Variants in FAM118A observed in about 807,000 individuals in gnomAD.
The protein encoded by FAM118A is protein FAM118A.
In FAM118A, 25 loss-of-function variants were observed where a neutral mutation model predicts 38.2. The ratio of observed to expected loss-of-function variants is 0.65; its 90% CI spans 0.48 to 0.91. The LOEUF is 0.91. FAM118A is among the 40% of genes least tolerant of loss of function. The pLI, the probability that FAM118A is intolerant of heterozygous loss-of-function variation, is 0.00. For synonymous variants in FAM118A, 178 were observed against 184.1 expected (o/e 0.97, Z 0.27); for missense variants, 425 against 463.3 (o/e 0.92, Z 0.76).
intron 3 of FAM118A, 119 bp from the exon 4 acceptor site, chr22:45,327,723 A>G (rs2085386598): frequency 2.0e-6 from 2 of 1,014,640 alleles, no homozygotes; most frequent in South Asian, 1.5e-5. Context: ...CACGCTGTGA[A>G]GCCAGATTTT....
intron 1 of FAM118A, among the ~76,000 whole-genome samples, chr22:45,319,808 A>G (rs2084770410): frequency 6.6e-6 from 1 of 152,142 alleles, no homozygotes; most frequent in African/African-American, 2.4e-5. Context: ...CCTCAATGGG[A>G]AGAAGGATGT....
At chr22:45,332,367 T>G in intron 5 of FAM118A, 58 bp from the exon 6 acceptor site, 1 of 1,552,934 alleles carries the variant, frequency 6.4e-7, no homozygotes, top group Non-Finnish European at 8.7e-7. Flanking sequence ...ACTTGGTTAG[T>G]TGTAAGCTCT....
chr22:45,319,329 G>A (rs1483346800), intron 1 of FAM118A, among the ~76,000 whole-genome samples: 1 of 152,148 alleles, frequency 6.6e-6, no homozygotes, highest in Admixed American at 6.5e-5. Context: ...GTAACTATTT[G>A]GAAGTGATGT....
intron 1 of FAM118A, chr22:45,322,164 G>A: frequency 2.0e-6 from 3 of 1,499,158 alleles, no homozygotes; most frequent in Non-Finnish European, 2.7e-6. Flanking sequence ...AGTCCAACCA[G>A]CCTGATGAGT....
chr22:45,338,655 T>C (rs989177540), intron 8 of FAM118A, among the ~76,000 whole-genome samples: 2 of 152,264 alleles, frequency 1.3e-5, no homozygotes, highest in African/African-American at 4.8e-5. Flanking sequence ...GAGAGGATTT[T>C]CATATAATAG....
chr22:45,322,658 A>C (rs2084948543), intron 2 of FAM118A, among the ~76,000 whole-genome samples: 1 of 152,214 alleles, frequency 6.6e-6, no homozygotes, highest in Non-Finnish European at 1.5e-5. Context: ...TAGAGGTGTC[A>C]TGTCTAGAAC....
chr22:45,340,652 T>C lies in FAM118A; in HGVS notation c.*247T>C. 1 of 545,646 alleles carries C rather than the reference T, an allele frequency of 1.8e-6. No individual in the cohort carries two copies. The highest frequency in any genetic ancestry group is 3.3e-6 in the Non-Finnish European group (1 of 307,664). The allele number at this position is 545,646 out of a possible 1,614,324, so 33.8% of individuals were successfully genotyped here. On this transcript the variant is annotated 3_prime_UTR_variant, in exon 9 of 9. Transcript: ENST00000441876. ...TTGCAAGGACTGATGGATAGCTACC[T>C]CAGGGACCAGAATCCGTGGGAAGGG... is the stretch of plus-strand genomic sequence containing the variant.
intron 1 of FAM118A, among the ~76,000 whole-genome samples, chr22:45,319,687 TGGTG>T (rs2084764230): frequency 6.6e-6 from 1 of 152,162 alleles, no homozygotes; most frequent in Non-Finnish European, 1.5e-5. Flanking sequence ...TATTAATAGA[TGGTG>T]GAGGGATTAT....
At chr22:45,308,960 G>A (rs933632490), upstream of FAM118A, 1 of 152,330 alleles carries the variant, frequency 6.6e-6, no homozygotes, top group Non-Finnish European at 1.5e-5. Context: ...GGAAGAGGAA[G>A]TGGATTGGGT....
rs1473952 is a variant in FAM118A at position 45,322,305 on chromosome 22, C to G, written c.-9-66C>G. 265 of 1,581,406 alleles carry G rather than the reference C, an allele frequency of 1.7e-4. 2 individuals carry two copies. In the Admixed American group the frequency reaches 4.3e-3, roughly 26 times the overall value. The stretch of plus-strand genomic sequence containing the variant: ...TTTTAATTCTAGCCTTAACTATCTT[C>G]CAGGGTGCAAATAAAAACTTTTACC... On this transcript the variant is annotated intron_variant, in intron 1 of 8. Transcript: ENST00000441876.
intron 2 of FAM118A, among the ~76,000 whole-genome samples, chr22:45,322,752 A>AAG (rs1401670960): frequency 6.6e-6 from 1 of 152,192 alleles, no homozygotes; most frequent in Non-Finnish European, 1.5e-5. Context: ...AAGCGCGATA[A>AAG]AGAGGTACTT....
chr22:45,339,741 G>C (rs2086351211), intron 8 of FAM118A, among the ~76,000 whole-genome samples: 1 of 152,230 alleles, frequency 6.6e-6, no homozygotes, highest in African/African-American at 2.4e-5. Context: ...TTCTTCTGCT[G>C]TTGCTGCTGT....
At chr22:45,337,726 G>C (rs973541309) in intron 8 of FAM118A, 1 of 525,578 alleles carries the variant, frequency 1.9e-6, no homozygotes, top group Non-Finnish European at 2.4e-6. Flanking sequence ...TGAGATGGAG[G>C]CCTAGGTCTC....
Position 45,340,497 on chromosome 22 carries a change from T to C in FAM118A, c.*92T>C, listed in dbSNP as rs901089911. ...GAATGTATGGAGAACTCCACGTGGA[T>C]CTCTGATTGCGAAACCGTCACATAC... On this transcript the variant is annotated 3_prime_UTR_variant, in exon 9 of 9. Transcript: ENST00000441876. 1.0e-5 allele frequency: 15 copies of C among 1,463,352 alleles called. No individual in the cohort carries two copies. In the Admixed American group the frequency reaches 2.5e-4, roughly 25 times the overall value. 90.6% of individuals were successfully genotyped at this position (1,463,352 alleles called of 1,614,324 possible).
intron 6 of FAM118A, chr22:45,335,116 C>T (rs540625739): frequency 1.2e-4 from 62 of 532,196 alleles, no homozygotes; most frequent in Non-Finnish European, 1.8e-4. Context: ...CTAGTGATCG[C>T]GGACACCACA....
intron 3 of FAM118A, among the ~76,000 whole-genome samples, chr22:45,323,705 A>G (rs1188777495): frequency 2.0e-5 from 3 of 152,232 alleles, no homozygotes; most frequent in African/African-American, 7.2e-5. Context: ...TGCACTCAGT[A>G]TGAACTTTGT....
intron 2 of FAM118A, among the ~76,000 whole-genome samples, 170 bp from the exon 3 acceptor site, chr22:45,323,005 G>T (rs891838684): frequency 1.3e-5 from 2 of 151,602 alleles, no homozygotes; most frequent in Non-Finnish European, 2.9e-5. Flanking sequence ...CGCAAAGAAG[G>T]ATACACAGGC....
Position 45,340,388 on chromosome 22 carries a change from G to A in FAM118A, c.1057G>A (p.Asp353Asn). 9 of 1,614,210 alleles carry A rather than the reference G, an allele frequency of 5.6e-6. No individual in the cohort carries two copies. Among genetic ancestry groups the A allele is most frequent in the Non-Finnish European group, 7.6e-6 (9 of 1,180,038 alleles). The part of the protein sequence containing the change: ...SKKRTQSDTD[D>N]AGGS ...ATTTCATTCTTTTATTTAAACAGAT[G>A]ATGCTGGAGGGTCTTGAAATCTTTA... The change falls in exon 9 of 9, where the codon GAT becomes AAT. Residue 353 changes from aspartate to asparagine, a missense_variant and splice_region_variant. Coordinates refer to ENST00000441876, the MANE Select transcript of FAM118A (RefSeq NM_017911.4).
At chr22:45,334,245 A>T (rs1182286787) in intron 6 of FAM118A, among the ~76,000 whole-genome samples, 4 of 152,192 alleles carry the variant, frequency 2.6e-5, no homozygotes, top group Non-Finnish European at 5.9e-5. Flanking sequence ...GTTTGGCATC[A>T]TAAAACATTG....
Sources: allele counts gnomAD v4.1 joint callset (sites outside exome capture counted in the v4.1 genomes callset), GRCh38; gene constraint gnomAD v4.1.1; transcripts MANE v1.5; gene names NCBI Gene and HGNC (gene_info 2026-07-23, HGNC 2026-07-21).